The following RABGAP1L variants were observed in gnomAD, a reference collection of about 807,000 sequenced individuals.
The protein encoded by RABGAP1L is RAB GTPase activating protein 1 like.
Under a neutral mutation model 137.7 loss-of-function variants are expected in RABGAP1L, and 63 were observed. That is an observed-to-expected ratio of 0.46 (90% confidence interval 0.37 to 0.56). The LOEUF is 0.56. RABGAP1L is among the 20% of genes least tolerant of loss of function. The pLI, the probability that RABGAP1L is intolerant of heterozygous loss-of-function variation, is 0.00. For synonymous variants in RABGAP1L, 431 were observed against 433.7 expected, an observed-to-expected ratio of 0.99 and a Z score of 0.08; for missense variants, 1,095 against 1,244.0, an observed-to-expected ratio of 0.88 and a Z score of 1.80.
At chr1:174,348,407 C>G (rs567547922) in intron 11 of RABGAP1L, among the ~76,000 whole-genome samples, 239 of 150,472 alleles carry the variant, frequency 1.6e-3, no homozygotes, top group Non-Finnish European at 2.6e-3. Context: ...TTCATTTGCC[C>G]CACTTCTAAA....
chr1:174,305,784 A>G (rs1266336329), intron 11 of RABGAP1L, among the ~76,000 whole-genome samples: 1 of 150,604 alleles, frequency 6.6e-6, no homozygotes, highest in Non-Finnish European at 1.5e-5. Flanking sequence ...TATTTTTAAT[A>G]CTTTAAGTTC....
intron 14 of RABGAP1L, among the ~76,000 whole-genome samples, chr1:174,654,363 G>A (rs1431544903): frequency 6.6e-6 from 1 of 152,126 alleles, no homozygotes; most frequent in Admixed American, 6.5e-5. Context: ...AGATATTTTA[G>A]ATGAAAATTT....
At chr1:174,930,217 CAGTT>C (rs1201787457) in intron 19 of RABGAP1L, among the ~76,000 whole-genome samples, 1 of 151,888 alleles carries the variant, frequency 6.6e-6, no homozygotes, top group African/African-American at 2.4e-5. Flanking sequence ...GATGGGGACT[CAGTT>C]TGTTGACCAG....
intron 7 of RABGAP1L, among the ~76,000 whole-genome samples, chr1:174,265,108 A>C (rs1199151996): frequency 1.3e-5 from 2 of 152,188 alleles, no homozygotes; most frequent in East Asian, 3.8e-4. Flanking sequence ...GTACAGGGGA[A>C]GATATTCCTT....
intron 13 of RABGAP1L, among the ~76,000 whole-genome samples, chr1:174,610,922 T>G (rs1671184991): frequency 1.3e-5 from 2 of 152,068 alleles, no homozygotes; most frequent in South Asian, 4.1e-4. Context: ...TTCTTGTAAA[T>G]TTGTTTGAGT....
intron 13 of RABGAP1L, among the ~76,000 whole-genome samples, chr1:174,543,616 T>A (rs1261509988): frequency 1.3e-5 from 2 of 152,208 alleles, no homozygotes; most frequent in African/African-American, 4.8e-5. Flanking sequence ...TATGGTTATG[T>A]GTGAATTTGA....
At chr1:174,352,714 C>T (rs1683304508) in intron 11 of RABGAP1L, among the ~76,000 whole-genome samples, 1 of 152,148 alleles carries the variant, frequency 6.6e-6, no homozygotes, top group East Asian at 1.9e-4. Flanking sequence ...ACCAGTTCTT[C>T]CTGGGAAGGC....
intron 13 of RABGAP1L, among the ~76,000 whole-genome samples, chr1:174,420,188 G>A (rs1651084997): frequency 6.8e-6 from 1 of 146,116 alleles, no homozygotes; most frequent in South Asian, 2.1e-4. Context: ...GGTTCTTGGA[G>A]GCCCAACCTC....
At chr1:174,778,612 T>A (rs1686718383) in intron 18 of RABGAP1L, among the ~76,000 whole-genome samples, 1 of 152,076 alleles carries the variant, frequency 6.6e-6, no homozygotes, top group Admixed American at 6.6e-5. Flanking sequence ...ATTTTTTTTT[T>A]AAGTCAGAGT....
At chr1:174,598,989 C>T (rs911859410) in intron 13 of RABGAP1L, among the ~76,000 whole-genome samples, 2 of 148,516 alleles carry the variant, frequency 1.3e-5, no homozygotes, top group African/African-American at 4.9e-5. Flanking sequence ...CTCCCTCCCT[C>T]CCTCCCTTTC....
chr1:174,452,596 C>G (rs1055184739), intron 13 of RABGAP1L, among the ~76,000 whole-genome samples: 1 of 151,938 alleles, frequency 6.6e-6, no homozygotes, highest in Non-Finnish European at 1.5e-5. Context: ...GAGTCTTGCT[C>G]TGTTGCCCAG....
At chr1:174,349,898 C>T in intron 11 of RABGAP1L, among the ~76,000 whole-genome samples, 1 of 133,956 alleles carries the variant, frequency 7.5e-6, no homozygotes, top group African/African-American at 2.7e-5. Flanking sequence ...GGCGGCTGGC[C>T]AGGTGGGGGG....
intron 18 of RABGAP1L, among the ~76,000 whole-genome samples, chr1:174,754,060 T>G (rs1684536486): frequency 6.6e-6 from 1 of 152,228 alleles, no homozygotes; most frequent in Non-Finnish European, 1.5e-5. Flanking sequence ...CATATTATTT[T>G]CATTTATTTT....
At chr1:174,975,528 G>A (rs771193069) in intron 21 of RABGAP1L, among the ~76,000 whole-genome samples, 1 of 152,130 alleles carries the variant, frequency 6.6e-6, no homozygotes, top group Non-Finnish European at 1.5e-5. Flanking sequence ...ACTGCCCTGT[G>A]TGAGTGGCCA....
intron 13 of RABGAP1L, among the ~76,000 whole-genome samples, chr1:174,407,569 A>G (rs1405335745): frequency 6.6e-6 from 1 of 152,204 alleles, no homozygotes; most frequent in East Asian, 1.9e-4. Flanking sequence ...AGGATTTTGC[A>G]TGTGCTGATG....
At chr1:174,831,485 A>G (rs1465065954) in intron 19 of RABGAP1L, among the ~76,000 whole-genome samples, 1 of 148,402 alleles carries the variant, frequency 6.7e-6, no homozygotes, top group Non-Finnish European at 1.5e-5. Context: ...CCAATTGAAA[A>G]TATGAGAGAA....
intron 13 of RABGAP1L, among the ~76,000 whole-genome samples, chr1:174,416,037 C>CAAATATACAT (rs1553297986): frequency 7.9e-6 from 1 of 126,270 alleles, no homozygotes; most frequent in Non-Finnish European, 1.6e-5. Flanking sequence ...TATATATATA[C>CAAATATACAT]ACACACATTT....
chr1:174,463,027 G>A lies in RABGAP1L; in HGVS notation c.1710+68882G>A, dbSNP rs182027377. Among the ~76,000 whole-genome samples, 97 of 152,298 alleles carry A rather than the reference G, an allele frequency of 6.4e-4. 2 individuals are homozygous for A. In the East Asian group the frequency reaches 0.018, roughly 28 times the overall value. On this transcript the variant is annotated intron_variant, in intron 13 of 25. Coordinates refer to ENST00000681986, the MANE Select transcript of RABGAP1L (RefSeq NM_001366446.1). ...TCAGGAAACAATAGGTGCTGGAGAG[G>A]ATATGGAGAAACAGGAACACTTTTA...
chr1:174,512,404 G>A (rs1662432204), intron 13 of RABGAP1L, among the ~76,000 whole-genome samples: 2 of 152,154 alleles, frequency 1.3e-5, no homozygotes, highest in South Asian at 2.1e-4. Flanking sequence ...CTTACATAAT[G>A]TCTGAAATGT....
Sources: gnomAD v4.1 joint callset for allele counts (sites outside exome capture counted in the v4.1 genomes callset) on GRCh38, gnomAD v4.1.1 for gene constraint, MANE v1.5 for transcripts, NCBI Gene and HGNC (gene_info 2026-07-23, HGNC 2026-07-21) for gene names.